Variants in PHACTR2 observed in about 807,000 individuals in gnomAD.
The protein encoded by PHACTR2 is chromosome 6 open reading frame 56.
PHACTR2 carries 30 observed loss-of-function variants against 76.0 expected under a neutral mutation model. The ratio of observed to expected loss-of-function variants is 0.39; its 90% CI spans 0.30 to 0.54. The LOEUF (loss-of-function observed/expected upper bound fraction) is 0.54, where lower values mean the gene tolerates loss of function less well. Ranked by LOEUF, PHACTR2 falls within the 20% of genes least tolerant of loss-of-function variation. The probability of loss-of-function intolerance (pLI) is 0.61; values close to 1 mark genes in which losing one functional copy is unlikely to be tolerated. For synonymous variants in PHACTR2, 292 were observed against 292.5 expected (o/e 1.00, Z 0.02); for missense variants, 696 against 781.1 (o/e 0.89, Z 1.30).
At position 143,648,780 on chromosome 6, in the gene PHACTR2, A is replaced by G. The variant is rs1165081159; in HGVS notation, c.13+40458A>G. 1.3e-5 allele frequency among the ~76,000 whole-genome samples: 2 copies of G among 150,986 alleles called. No individual in the cohort carries two copies. Among genetic ancestry groups the G allele is most frequent in the East Asian group, 1.9e-4 (1 of 5,138 alleles). On this transcript the variant is annotated intron_variant, in intron 1 of 11. Coordinates refer to the PHACTR2 transcript ENST00000305766. This position sits in a 1 kb window ranked among gnomAD's most constrained non-coding sequence, Gnocchi z 6.7. Reference sequence around the variant, plus strand: ...TGTGTGTCTCTGTGTGTGTGTGGGCATGTGTCTCTGTGTGTGTCTGTGTAT... The same window carrying G: ...TGTGTGTCTCTGTGTGTGTGTGGGCGTGTGTCTCTGTGTGTGTCTGTGTAT...
At chr6:143,563,513 G>C (rs1449487636) in intron 1 of PHACTR2, among the ~76,000 whole-genome samples, 1 of 133,638 alleles carries the variant, frequency 7.5e-6, no homozygotes, top group African/African-American at 2.8e-5. Flanking sequence ...CCAAGATCGC[G>C]CCACTGCACT....
At position 143,803,981 on chromosome 6, in the gene PHACTR2, C is replaced by G. The variant is rs1353172095; in HGVS notation, c.1846-3076C>G. 6.6e-6 allele frequency among the ~76,000 whole-genome samples: 1 copy of G among 152,228 alleles called. No homozygotes were observed. The highest frequency in any genetic ancestry group is 1.5e-5 in the Non-Finnish European group (1 of 68,030). On this transcript the variant is annotated intron_variant, in intron 11 of 12. Transcript: ENST00000440869. The surrounding 1 kb of genome is among the most constrained non-coding windows in gnomAD (Gnocchi z 4.7). ...CTCTCTAGCAAGTCATGTGACCTCT[C>G]TAGGCCTCCATTGCATCAGCTGTAA...
chr6:143,620,682 G>A (rs1776138270), intron 1 of PHACTR2, among the ~76,000 whole-genome samples: 1 of 152,194 alleles, frequency 6.6e-6, no homozygotes, highest in Admixed American at 6.5e-5. Context: ...TAAAATCCAT[G>A]TCTGCTTGAG....
At chr6:143,746,928 C>T (rs947782719) in intron 2 of PHACTR2, among the ~76,000 whole-genome samples, 4 of 151,636 alleles carry the variant, frequency 2.6e-5, no homozygotes, top group East Asian at 3.9e-4. Flanking sequence ...CTGGAAGATA[C>T]AGGAAGAATG....
At chr6:143,716,862 G>A (rs1019575777) in intron 2 of PHACTR2, among the ~76,000 whole-genome samples, 2 of 152,330 alleles carry the variant, frequency 1.3e-5, no homozygotes, top group South Asian at 2.1e-4. Flanking sequence ...GCTTGCTCTG[G>A]TCAGCAGCAG....
At position 143,760,340 on chromosome 6, in the gene PHACTR2, C is replaced by T. The variant is rs148928914; in HGVS notation, c.455-61C>T. On this transcript the variant is annotated intron_variant, in intron 4 of 12. Coordinates refer to ENST00000440869, the MANE Select transcript of PHACTR2 (RefSeq NM_001100164.2). The surrounding 1 kb of genome is among the most constrained non-coding windows in gnomAD (Gnocchi z 6.4). The stretch of plus-strand genomic sequence containing the variant: ...TGTGTCACTATCGTCATGTCTTGCT[C>T]CTTGTGTTTATATGGTGTGTGTCTG... The T allele has an allele frequency of 2.0e-4, 300 of 1,494,862 alleles. 1 individual carries two copies. In the African/African-American group the frequency reaches 3.6e-3, roughly 18 times the overall value. 92.6% of individuals were successfully genotyped at this position (1,494,862 alleles called of 1,614,324 possible). A position where few individuals can be genotyped will look rare whatever the true frequency, so the allele number is the denominator to read the frequency against.
chr6:143,699,951 C>T (rs537874817), intron 1 of PHACTR2, among the ~76,000 whole-genome samples: 2 of 152,136 alleles, frequency 1.3e-5, no homozygotes, highest in Non-Finnish European at 2.9e-5. Context: ...TCCTGTTTTC[C>T]ATAGTACATG....
At position 143,695,695 on chromosome 6, in the gene PHACTR2, C is replaced by T. The variant is rs1467436159; in HGVS notation, c.47-16321C>T. Among the ~76,000 whole-genome samples the T allele has an allele frequency of 1.3e-5, 2 of 152,198 alleles. No individual in the cohort carries two copies. The highest frequency in any genetic ancestry group is 2.4e-5 in the African/African-American group (1 of 41,454). On this transcript the variant is annotated intron_variant, in intron 1 of 12. Transcript: ENST00000440869. This position sits in a 1 kb window ranked among gnomAD's most constrained non-coding sequence, Gnocchi z 4.4. ...CAGTGGATAACATGAGTCTCATAAT[C>T]AAGAATCCTCTGGGACTTTGTCATC... is the stretch of plus-strand genomic sequence containing the variant.
chr6:143,779,566 T>C (rs1454977328), intron 9 of PHACTR2, among the ~76,000 whole-genome samples: 1 of 152,112 alleles, frequency 6.6e-6, no homozygotes, highest in Non-Finnish European at 1.5e-5. Flanking sequence ...GCCAGGCTGG[T>C]CTCGAACTCC....
Position 143,807,718 on chromosome 6 carries a change from T to C in PHACTR2, c.1922+585T>C, listed in dbSNP as rs1776095018. Among the ~76,000 whole-genome samples, 2 of 152,190 alleles carry C rather than the reference T, an allele frequency of 1.3e-5. No homozygotes were observed. The highest frequency in any genetic ancestry group is 1.3e-4 in the Admixed American group (2 of 15,274). ...AGAAGATGTAACTTTAGGATGGGAA[T>C]CCTGATTTTACTGGTGACGAAGGAG... On this transcript the variant is annotated intron_variant, in intron 12 of 12. Coordinates refer to ENST00000440869, the MANE Select transcript of PHACTR2 (RefSeq NM_001100164.2). This position sits in a 1 kb window ranked among gnomAD's most constrained non-coding sequence, Gnocchi z 5.5.
rs1777181036 is a variant in PHACTR2 at position 143,672,914 on chromosome 6, AG to A, written c.14-39099del. ...TAATTTTTGTATTTTTAGTAGAGACAGGGTTTCACCATGTTGGCCAGGCTGG... is the reference window on the plus strand; with the variant it reads ...TAATTTTTGTATTTTTAGTAGAGACAGGTTTCACCATGTTGGCCAGGCTGG... On this transcript the variant is annotated intron_variant, in intron 1 of 11. Transcript: ENST00000305766. The surrounding 1 kb of genome is among the most constrained non-coding windows in gnomAD (Gnocchi z 5.8). Among the ~76,000 whole-genome samples the A allele has an allele frequency of 6.6e-6, 1 of 151,864 alleles. No homozygotes were observed. The highest frequency in any genetic ancestry group is 1.5e-5 in the Non-Finnish European group (1 of 67,926).
rs181734084 is a variant in PHACTR2, at chr6:143,700,382, G to A, written c.47-11634G>A. On this transcript the variant is annotated intron_variant, in intron 1 of 12. Transcript: ENST00000440869. This position sits in a 1 kb window ranked among gnomAD's most constrained non-coding sequence, Gnocchi z 4.1. ...CTGGCCTGGCCAACATGGTGAAACC[G>A]CGTCTCTACTAAAAATACAGAAATT... Among the ~76,000 whole-genome samples the A allele has an allele frequency of 4.6e-5, 7 of 152,094 alleles. No individual in the cohort carries two copies. In the East Asian group the frequency reaches 5.8e-4, roughly 13 times the overall value.
At position 143,786,168 on chromosome 6, in the gene PHACTR2, T is replaced by C. The variant is rs193036457; in HGVS notation, c.1708-2605T>C. Reference sequence around the variant, plus strand: ...CTTTTAACAGCACCCAAGTCACCTTTTGAATGCTTTGCTGCTTAGAAATTT... The same window carrying C: ...CTTTTAACAGCACCCAAGTCACCTTCTGAATGCTTTGCTGCTTAGAAATTT... On this transcript the variant is annotated intron_variant, in intron 10 of 12. Transcript: ENST00000440869. Among the ~76,000 whole-genome samples, 126 of 152,204 alleles carry C rather than the reference T, an allele frequency of 8.3e-4. 1 individual carries two copies. Among genetic ancestry groups the C allele is most frequent in the Admixed American group, 4.2e-3 (64 of 15,288 alleles).
At position 143,623,849 on chromosome 6, in the gene PHACTR2, A is replaced by T. The variant is rs1349912290; in HGVS notation, c.13+15527A>T. ...TTAAAAGCCAATAAATTATGTTTTA[A>T]TCAGTTAACTGGATAGCAGCACATA... On this transcript the variant is annotated intron_variant, in intron 1 of 11. Coordinates refer to the PHACTR2 transcript ENST00000305766. This position sits in a 1 kb window ranked among gnomAD's most constrained non-coding sequence, Gnocchi z 5.9. Among the ~76,000 whole-genome samples, 1 of 152,160 alleles carries T rather than the reference A, an allele frequency of 6.6e-6. No individual in the cohort carries two copies. Among genetic ancestry groups the T allele is most frequent in the African/African-American group, 2.4e-5 (1 of 41,424 alleles).
intron 2 of PHACTR2, among the ~76,000 whole-genome samples, chr6:143,732,153 T>C (rs1778714958): frequency 6.6e-6 from 1 of 152,258 alleles, no homozygotes; most frequent in Non-Finnish European, 1.5e-5. Context: ...ATAATTGATA[T>C]ACCAAACAGT....
At chr6:143,715,330 C>T (rs545894451) in intron 2 of PHACTR2, among the ~76,000 whole-genome samples, 22 of 152,128 alleles carry the variant, frequency 1.4e-4, no homozygotes, top group Non-Finnish European at 3.1e-4. Context: ...CTTCTCATCA[C>T]CCCTAACCCC....
At chr6:143,632,536 G>A (rs746569705) in intron 1 of PHACTR2, among the ~76,000 whole-genome samples, 6 of 152,078 alleles carry the variant, frequency 3.9e-5, no homozygotes, top group Non-Finnish European at 8.8e-5. Context: ...CCCCGACTAT[G>A]GACATCCACC....
rs950029598 is a variant in PHACTR2, at chr6:143,807,025, A to C, written c.1846-32A>C. The C allele has an allele frequency of 4.1e-6, 5 of 1,229,162 alleles. No homozygotes were observed. The highest frequency in any genetic ancestry group is 4.8e-6 in the Non-Finnish European group (4 of 838,588). 76.1% of individuals were successfully genotyped at this position (1,229,162 alleles called of 1,614,324 possible). The stretch of plus-strand genomic sequence containing the variant: ...TGGGGCAATATATGACCTAAATAAC[A>C]GTTCTGTTTATCTATTTTTTTTCCT... On this transcript the variant is annotated intron_variant, in intron 11 of 12. Coordinates refer to ENST00000440869, the MANE Select transcript of PHACTR2 (RefSeq NM_001100164.2). This position sits in a 1 kb window ranked among gnomAD's most constrained non-coding sequence, Gnocchi z 5.5.
intron 2 of PHACTR2, among the ~76,000 whole-genome samples, chr6:143,713,752 G>C (rs749013014): frequency 2.0e-5 from 3 of 152,150 alleles, no homozygotes; most frequent in Non-Finnish European, 4.4e-5. Context: ...CCAGTCCCTG[G>C]CTGGGCATCT....
Sources: gnomAD v4.1 joint callset for allele counts (sites outside exome capture counted in the v4.1 genomes callset) on GRCh38, gnomAD v4.1.1 for gene constraint, Gnocchi (gnomAD v3.1) non-coding constraint, MANE v1.5 for transcripts, NCBI Gene and HGNC (gene_info 2026-07-23, HGNC 2026-07-21) for gene names.